GMPR: variants seen among roughly 807,000 people sequenced by gnomAD.
GMPR encodes GMP reductase 1.
GMPR carries 31 observed loss-of-function variants against 38.4 expected under a neutral mutation model. The ratio of observed to expected loss-of-function variants is 0.81; its 90% CI spans 0.61 to 1.09. GMPR has a LOEUF of 1.09. Ranked by LOEUF, GMPR falls within the 50% of genes least tolerant of loss-of-function variation. The probability of loss-of-function intolerance (pLI) is 0.00; values close to 1 mark genes in which losing one functional copy is unlikely to be tolerated. For missense variants in GMPR, 468 were observed against 453.7 expected, an observed-to-expected ratio of 1.03 and a Z score of -0.29; for synonymous variants, 162 against 173.3, an observed-to-expected ratio of 0.93 and a Z score of 0.51.
At chr6:16,287,360 A>G (rs1014630375) in intron 7 of GMPR, among the ~76,000 whole-genome samples, 1 of 152,162 alleles carries the variant, frequency 6.6e-6, no homozygotes, top group Admixed American at 6.5e-5. Context: ...GGGAGAGCCA[A>G]ACACACTTTA....
intron 6 of GMPR, among the ~76,000 whole-genome samples, chr6:16,280,451 T>C (rs1759555000): frequency 6.6e-6 from 1 of 152,238 alleles, no homozygotes; most frequent in African/African-American, 2.4e-5. Flanking sequence ...AAAGGTTTAT[T>C]GGTTAATGAC....
intron 4 of GMPR, chr6:16,263,224 T>C (rs56821751): frequency 0.56 from 84,809 of 151,642 alleles, 26,954 homozygotes; most frequent in East Asian, 0.92. Flanking sequence ...AATGCCTGGA[T>C]GTCAGGCACC....
intron 2 of GMPR, among the ~76,000 whole-genome samples, chr6:16,250,033 C>T (rs1758836643): frequency 6.6e-6 from 1 of 152,226 alleles, no homozygotes; most frequent in Admixed American, 6.5e-5. Flanking sequence ...CCCTCTCCTG[C>T]CTCCTGGCAG....
intron 4 of GMPR, among the ~76,000 whole-genome samples, chr6:16,256,452 C>T (rs998741163): frequency 6.7e-6 from 1 of 149,448 alleles, no homozygotes; most frequent in Non-Finnish European, 1.5e-5. Context: ...TTGCTCGAAC[C>T]CGGGAGGCAA....
In GMPR at chr6:16,290,566, G is replaced by C; in HGVS notation, c.802G>C (p.Gly268Arg). Residue 268 changes from glycine to arginine, a missense_variant, in exon 8 of 9, where the codon GGG becomes CGG. Coordinates refer to ENST00000259727, the MANE Select transcript of GMPR (RefSeq NM_006877.4). ...RNGRKLKLFY[G>R]MSSDTAMNKH... ...CGGACGGAAGCTCAAGCTCTTCTACGGGATGAGCTCTGACACCGCCATGAA... is the reference window on the plus strand; with the variant it reads ...CGGACGGAAGCTCAAGCTCTTCTACCGGATGAGCTCTGACACCGCCATGAA... 3 of 1,614,012 alleles carry C rather than the reference G, an allele frequency of 1.9e-6. No homozygotes were observed. The South Asian group carries it at 3.3e-5, about 18-fold the overall frequency.
rs371651095 is a variant in GMPR, at chr6:16,254,743, C to T, written c.465+8C>T. The T allele has an allele frequency of 1.5e-5, 24 of 1,598,818 alleles. No individual in the cohort carries two copies. Among genetic ancestry groups the T allele is most frequent in the Middle Eastern group, 1.7e-4 (1 of 6,050 alleles). On this transcript the variant is annotated splice_region_variant and intron_variant, in intron 4 of 8. Transcript: ENST00000259727. The stretch of plus-strand genomic sequence containing the variant: ...CCTGAACACACCATTATGGTAAGTA[C>T]GGTAGAACATTACGGTAGAACATTC...
rs933356190 is a variant in GMPR, at chr6:16,238,643, A to G, written c.-51A>G. 4.0e-5 allele frequency: 33 copies of G among 815,548 alleles called. No individual in the cohort carries two copies. Among genetic ancestry groups the G allele is most frequent in the Non-Finnish European group, 5.0e-5 (32 of 635,040 alleles). 50.5% of individuals were successfully genotyped at this position (815,548 alleles called of 1,614,324 possible). A position where few individuals can be genotyped will look rare whatever the true frequency, so the allele number is the denominator to read the frequency against. On this transcript the variant is annotated 5_prime_UTR_variant, in exon 1 of 9. Transcript: ENST00000259727. ...CGGCGCTCCCCGCGCCGCCCCGCGCAGGCGCCCCCGCCCCGCCGTCGCCGC... is the reference window on the plus strand; with the variant it reads ...CGGCGCTCCCCGCGCCGCCCCGCGCGGGCGCCCCCGCCCCGCCGTCGCCGC...
chr6:16,262,736 G>T (rs1292559026), intron 4 of GMPR: 2 of 152,080 alleles, frequency 1.3e-5, no homozygotes, highest in Middle Eastern at 6.8e-3. Context: ...GAACTTTTAG[G>T]GTCTAGGGCT....
chr6:16,247,103 C>A lies in GMPR; in HGVS notation c.207+142C>A, dbSNP rs1197746488. On this transcript the variant is annotated intron_variant, in intron 2 of 8. Coordinates refer to ENST00000259727, the MANE Select transcript of GMPR (RefSeq NM_006877.4). ...GTCATTCTCTGTCTTTCCCTTCAAT[C>A]AGAAAGTGGACGGTGTCTGGACTTT... 5 of 733,302 alleles carry A rather than the reference C, an allele frequency of 6.8e-6. No homozygotes were observed. The East Asian group carries it at 1.4e-4, about 20-fold the overall frequency. 45.4% of individuals were successfully genotyped at this position (733,302 alleles called of 1,614,324 possible).
intron 1 of GMPR, among the ~76,000 whole-genome samples, chr6:16,245,679 C>T (rs1758738615): frequency 6.6e-6 from 1 of 152,176 alleles, no homozygotes; most frequent in Non-Finnish European, 1.5e-5. Context: ...GCGGGGCATT[C>T]TGACACAACT....
chr6:16,262,807 A>G (rs956070512), intron 4 of GMPR: 4 of 152,014 alleles, frequency 2.6e-5, no homozygotes, highest in Non-Finnish European at 5.9e-5. Flanking sequence ...TTTATATTTG[A>G]TGAAAAAGAG....
chr6:16,292,223 A>T (rs918525230), intron 8 of GMPR, among the ~76,000 whole-genome samples: 3 of 151,904 alleles, frequency 2.0e-5, no homozygotes, highest in Non-Finnish European at 4.4e-5. Flanking sequence ...AGGACCTGGG[A>T]TTCAGATGTA....
At chr6:16,267,595 A>G (rs1397404305) in intron 4 of GMPR, among the ~76,000 whole-genome samples, 1 of 151,898 alleles carries the variant, frequency 6.6e-6, no homozygotes, top group Non-Finnish European at 1.5e-5. Context: ...GACGGAACAA[A>G]CTCCGGACAC....
chr6:16,280,679 T>C (rs1759557738), intron 6 of GMPR, among the ~76,000 whole-genome samples: 1 of 152,202 alleles, frequency 6.6e-6, no homozygotes, highest in Non-Finnish European at 1.5e-5. Context: ...TCTGGCTGCG[T>C]GAGGATCACC....
In GMPR at chr6:16,260,155, A is replaced by G. The variant is rs527889461; in HGVS notation, c.465+5420A>G. On this transcript the variant is annotated intron_variant, in intron 4 of 8. Coordinates refer to ENST00000259727, the MANE Select transcript of GMPR (RefSeq NM_006877.4). Reference sequence around the variant, plus strand: ...AGGGAAAGTGGTAAAAGTATTGTCCAGTCCTTTTTAAGTTGGTGGCTGAGC... The same window carrying G: ...AGGGAAAGTGGTAAAAGTATTGTCCGGTCCTTTTTAAGTTGGTGGCTGAGC... Among the ~76,000 whole-genome samples, 373 of 152,180 alleles carry G rather than the reference A, an allele frequency of 2.5e-3. 2 individuals carry two copies. The highest frequency in any genetic ancestry group is 4.6e-3 in the Admixed American group (70 of 15,138).
intron 1 of GMPR, among the ~76,000 whole-genome samples, chr6:16,242,764 G>A (rs942366009): frequency 1.6e-4 from 24 of 151,884 alleles, no homozygotes; most frequent in African/African-American, 5.3e-4. Context: ...TCAGCCTCCC[G>A]AGTAACTGGG....
intron 6 of GMPR, 35 bp downstream of exon 6, chr6:16,278,925 T>C (rs752227975): frequency 7.5e-7 from 1 of 1,332,742 alleles, no homozygotes; most frequent in Admixed American, 1.7e-5. Flanking sequence ...CTGGGGTGTC[T>C]TGGGAGGCCC....
intron 4 of GMPR, among the ~76,000 whole-genome samples, chr6:16,274,016 A>C (rs192777312): frequency 4.6e-5 from 7 of 152,102 alleles, no homozygotes; most frequent in African/African-American, 1.7e-4. Context: ...GGGTTTCACC[A>C]TGTTGGCCAG....
chr6:16,264,431 G>C (rs1759149462), intron 4 of GMPR: 2 of 201,008 alleles, frequency 9.9e-6, no homozygotes, highest in South Asian at 8.5e-5. Flanking sequence ...AGGAGGACAG[G>C]GGATTGATCT....
Sources: gnomAD v4.1 joint callset for allele counts (sites outside exome capture counted in the v4.1 genomes callset) on GRCh38, gnomAD v4.1.1 for gene constraint, MANE v1.5 for transcripts, NCBI Gene and HGNC (gene_info 2026-07-23, HGNC 2026-07-21) for gene names.